Variants in OR2L13 observed in about 807,000 individuals in gnomAD.
OR2L13 encodes olfactory receptor family 2 subfamily L member 13, also known as olfactory receptor 2L13.
OR2L13 carries 14 observed loss-of-function variants against 15.3 expected under a neutral mutation model. The ratio of observed to expected loss-of-function variants is 0.91; its 90% CI spans 0.60 to 1.43. The LOEUF (loss-of-function observed/expected upper bound fraction) is 1.43, where lower values mean the gene tolerates loss of function less well. OR2L13 is among the 40% of genes most tolerant of loss of function. The pLI is 0.00. For synonymous variants in OR2L13, 152 were observed against 142.9 expected (o/e 1.06, Z -0.45); for missense variants, 367 against 387.9 (o/e 0.95, Z 0.45).
chr1:248,019,388 C>G, the OR2L13 span, among the ~76,000 whole-genome samples: 2 of 152,118 alleles, frequency 1.3e-5, no homozygotes, highest in African/African-American at 4.8e-5. Context: ...ATATTTTCAA[C>G]TCATAATGGG....
the OR2L13 span, among the ~76,000 whole-genome samples, chr1:248,073,789 A>C: frequency 6.6e-6 from 1 of 151,966 alleles, no homozygotes; most frequent in African/African-American, 2.4e-5. Flanking sequence ...ATATGTAGAT[A>C]AATAACATGT....
chr1:248,085,989 G>A, the OR2L13 span, among the ~76,000 whole-genome samples: 23 of 152,152 alleles, frequency 1.5e-4, no homozygotes, highest in Admixed American at 1.2e-3. Flanking sequence ...GTCCTAACAG[G>A]CCACAGTCTA....
At chr1:248,093,337 G>A (rs1205253692), upstream of OR2L13, among the ~76,000 whole-genome samples, 1 of 152,106 alleles carries the variant, frequency 6.6e-6, no homozygotes. Flanking sequence ...AATTTGAGGT[G>A]AGATGCATCA....
At chr1:248,083,904 G>A in the OR2L13 span, 2 of 1,553,172 alleles carry the variant, frequency 1.3e-6, no homozygotes, top group Non-Finnish European at 1.7e-6. Flanking sequence ...CTTCTTGCGG[G>A]CTTCTGTAGA....
the OR2L13 span, among the ~76,000 whole-genome samples, chr1:248,049,903 T>C: frequency 6.6e-6 from 1 of 152,324 alleles, no homozygotes; most frequent in East Asian, 1.9e-4. Context: ...CAGATATGTA[T>C]GTATATATGT....
the OR2L13 span, among the ~76,000 whole-genome samples, chr1:248,026,833 C>A: frequency 0.021 from 3,146 of 152,244 alleles, 116 homozygotes; most frequent in African/African-American, 0.072. Context: ...ATCCCATCAT[C>A]TTCATAAACT....
chr1:248,070,021 T>C, the OR2L13 span, among the ~76,000 whole-genome samples: 1 of 151,816 alleles, frequency 6.6e-6, no homozygotes, highest in Non-Finnish European at 1.5e-5. Flanking sequence ...CACACAATAA[T>C]AATGGGAGAC....
the OR2L13 span, among the ~76,000 whole-genome samples, chr1:248,052,020 G>A: frequency 6.6e-6 from 1 of 152,122 alleles, no homozygotes; most frequent in African/African-American, 2.4e-5. Flanking sequence ...GATATTAAAT[G>A]CATTTTTACT....
chr1:248,082,272 C>T, the OR2L13 span, among the ~76,000 whole-genome samples: 3 of 141,372 alleles, frequency 2.1e-5, no homozygotes, highest in African/African-American at 5.4e-5. Context: ...TATTCTCACT[C>T]ATAGGTGGGA....
At chr1:248,078,485 TAC>T in the OR2L13 span, among the ~76,000 whole-genome samples, 4 of 147,586 alleles carry the variant, frequency 2.7e-5, no homozygotes, top group Admixed American at 1.3e-4. Context: ...CACACACACA[TAC>T]ACACACACAC....
chr1:248,031,739 T>C, the OR2L13 span, among the ~76,000 whole-genome samples: 1 of 152,146 alleles, frequency 6.6e-6, no homozygotes, highest in Non-Finnish European at 1.5e-5. Flanking sequence ...TTGTAGAATG[T>C]GTCTGGTGGA....
chr1:248,022,777 A>G, the OR2L13 span: 3 of 1,613,834 alleles, frequency 1.9e-6, no homozygotes, highest in East Asian at 2.2e-5. Flanking sequence ...GCTGTTTTCT[A>G]CACCATCCTC....
the OR2L13 span, among the ~76,000 whole-genome samples, chr1:248,085,971 C>A: frequency 2.6e-5 from 4 of 152,276 alleles, no homozygotes; most frequent in South Asian, 6.2e-4. Flanking sequence ...ACCTCCTGTG[C>A]AGGCCAGGTC....
the OR2L13 span, chr1:248,051,208 ATC>A: frequency 9.4e-5 from 14 of 148,162 alleles, no homozygotes; most frequent in Non-Finnish European, 1.6e-4. Flanking sequence ...TCCACTTTCC[ATC>A]TCTGTGAATT....
At chr1:248,067,947 G>A in the OR2L13 span, among the ~76,000 whole-genome samples, 1 of 152,248 alleles carries the variant, frequency 6.6e-6, no homozygotes, top group Non-Finnish European at 1.5e-5. Context: ...TGGGGGAGGG[G>A]CGCCCGCCAT....
chr1:248,025,850 CA>C, the OR2L13 span, among the ~76,000 whole-genome samples: 2 of 150,104 alleles, frequency 1.3e-5, no homozygotes, highest in Non-Finnish European at 2.9e-5. Flanking sequence ...ATCGCAAGAA[CA>C]AAAAACCAAA....
upstream of OR2L13, among the ~76,000 whole-genome samples, chr1:248,094,407 A>G (rs1198101478): frequency 6.6e-6 from 1 of 152,176 alleles, no homozygotes; most frequent in Non-Finnish European, 1.5e-5. Flanking sequence ...CAGTTGATTG[A>G]GCCCTTCCTC....
the OR2L13 span, among the ~76,000 whole-genome samples, chr1:248,060,146 A>G: frequency 6.6e-6 from 1 of 152,150 alleles, no homozygotes; most frequent in Non-Finnish European, 1.5e-5. Flanking sequence ...CTGACTTTCT[A>G]TGCATATGTA....
the OR2L13 span, chr1:248,003,144 A>G: frequency 1.3e-5 from 18 of 1,364,136 alleles, no homozygotes; most frequent in African/African-American, 1.9e-4. Context: ...GAAAATTGCA[A>G]TCAAACATCA....
Sources: allele counts gnomAD v4.1 joint callset (sites outside exome capture counted in the v4.1 genomes callset), GRCh38; gene constraint gnomAD v4.1.1; transcripts MANE v1.5; gene names NCBI Gene and HGNC (gene_info 2026-07-23, HGNC 2026-07-21).